The following USP34 variants were observed in gnomAD, a reference collection of about 807,000 sequenced individuals.
The protein encoded by USP34 is ubiquitin carboxyl-terminal hydrolase 34.
In USP34, 70 loss-of-function variants were observed where a neutral mutation model predicts 460.3. The ratio of observed to expected loss-of-function variants is 0.15; its 90% CI spans 0.13 to 0.19. The LOEUF is 0.19. Among genes scored for constraint, USP34 ranks in the 10% least tolerant of loss-of-function variants. The pLI is 1.00. For synonymous variants in USP34, 1,647 were observed against 1,405.3 expected, an observed-to-expected ratio of 1.17 and a Z score of -3.85; for missense variants, 3,985 against 4,236.2, an observed-to-expected ratio of 0.94 and a Z score of 1.65.
At chr2:61,301,313 A>T (rs566141253) in intron 28 of USP34, 41 bp downstream of exon 28, 13 of 1,596,302 alleles carry the variant, frequency 8.1e-6, no homozygotes, top group Non-Finnish European at 1.1e-5. Context: ...TGATGATTAT[A>T]AACAGATCAT....
At chr2:61,270,070 G>A (rs1314423838) in intron 41 of USP34, among the ~76,000 whole-genome samples, 2 of 152,100 alleles carry the variant, frequency 1.3e-5, no homozygotes, top group Non-Finnish European at 2.9e-5. Flanking sequence ...TCCCTTCCCA[G>A]CCTAAAATTA....
intron 67 of USP34, among the ~76,000 whole-genome samples, chr2:61,216,023 A>G (rs1376544304): frequency 1.3e-5 from 2 of 152,180 alleles, no homozygotes; most frequent in African/African-American, 2.4e-5. Flanking sequence ...GTCTCCCCCT[A>G]TTCTAACTAT....
intron 27 of USP34, among the ~76,000 whole-genome samples, chr2:61,302,427 T>A (rs1212684391): frequency 6.6e-6 from 1 of 152,234 alleles, no homozygotes; most frequent in Non-Finnish European, 1.5e-5. Context: ...CAATTTGCCT[T>A]AAGCACAATT....
At chr2:61,417,031 T>C (rs1230307163) in intron 2 of USP34, 3 of 1,303,814 alleles carry the variant, frequency 2.3e-6, no homozygotes, top group Non-Finnish European at 3.3e-6. Flanking sequence ...CTTCCAGATG[T>C]GGATCTTCTG....
chr2:61,229,104 A>G (rs1348724532), intron 59 of USP34, 109 bp from the exon 60 acceptor site: 1 of 806,452 alleles, frequency 1.2e-6, no homozygotes, highest in Non-Finnish European at 1.8e-6. Flanking sequence ...GAGATAATGA[A>G]TATGAACCGC....
chr2:61,304,086 C>G (rs1278693827), intron 27 of USP34, among the ~76,000 whole-genome samples: 1 of 151,930 alleles, frequency 6.6e-6, no homozygotes, highest in Non-Finnish European at 1.5e-5. Flanking sequence ...TTAGTAGAGA[C>G]AGGGTTTCGT....
chr2:61,242,008 T>C (rs1157383335), intron 51 of USP34, among the ~76,000 whole-genome samples, 189 bp from the exon 52 acceptor site: 1 of 152,064 alleles, frequency 6.6e-6, no homozygotes, highest in Non-Finnish European at 1.5e-5. Flanking sequence ...AATATCTTTT[T>C]TTTAGTTTTT....
chr2:61,192,056 A>C (rs775979146), intron 76 of USP34, among the ~76,000 whole-genome samples: 1 of 152,204 alleles, frequency 6.6e-6, no homozygotes, highest in Non-Finnish European at 1.5e-5. Flanking sequence ...CCACCAGTAG[A>C]GTACAGGATG....
intron 27 of USP34, 103 bp downstream of exon 27, chr2:61,311,437 A>G: frequency 1.6e-6 from 2 of 1,276,692 alleles, no homozygotes; most frequent in Non-Finnish European, 2.1e-6. Flanking sequence ...AAGAAAGAAA[A>G]GAAAAGGAGA....
chr2:61,321,564 C>G (rs988805989), intron 21 of USP34, among the ~76,000 whole-genome samples: 1 of 152,134 alleles, frequency 6.6e-6, no homozygotes, highest in South Asian at 2.1e-4. Flanking sequence ...CATTTTGGCC[C>G]TAAATGAATG....
At chr2:61,353,971 T>C (rs1292242194) in intron 10 of USP34, among the ~76,000 whole-genome samples, 1 of 152,106 alleles carries the variant, frequency 6.6e-6, no homozygotes, top group Non-Finnish European at 1.5e-5. Context: ...CAACTGAAAT[T>C]ATCAAGTCTG....
intron 57 of USP34, among the ~76,000 whole-genome samples, chr2:61,235,592 G>A (rs1297144219): frequency 1.3e-5 from 2 of 151,980 alleles, no homozygotes; most frequent in Admixed American, 6.6e-5. Flanking sequence ...CTAAGGTGCT[G>A]GGGTTACAGG....
intron 40 of USP34, 35 bp from the exon 41 acceptor site, chr2:61,278,320 T>G (rs751084660): frequency 1.9e-6 from 3 of 1,610,346 alleles, no homozygotes; most frequent in Admixed American, 1.7e-5. Flanking sequence ...ACAAGCAAGA[T>G]AGTTCACATA....
chr2:61,313,863 T>C (rs1020487582), intron 25 of USP34, among the ~76,000 whole-genome samples: 2 of 152,128 alleles, frequency 1.3e-5, no homozygotes, highest in Non-Finnish European at 2.9e-5. Flanking sequence ...ATATCACTTG[T>C]ATCACTTCAA....
At position 61,347,887 on chromosome 2, in the gene USP34, ATGGTGG is replaced by A. The variant is rs754455063; in HGVS notation, c.2262_2267del (p.His759_His760del). ...AGGCTTACCCATCGTGGTGGTGGTG[ATGGTGG>A]TGGTGGTGGTGGTGATGCTGTGGAC... On this transcript the variant is annotated inframe_deletion, in exon 15 of 80. Transcript: ENST00000398571. The A allele has an allele frequency of 1.8e-5, 29 of 1,612,012 alleles. No individual in the cohort carries two copies. Among genetic ancestry groups the A allele is most frequent in the East Asian group, 1.6e-4 (7 of 44,842 alleles).
chr2:61,351,467 A>G (rs76275149), intron 10 of USP34, among the ~76,000 whole-genome samples: 3,079 of 113,060 alleles, frequency 0.027, 58 homozygotes, highest in Non-Finnish European at 0.045. Flanking sequence ...CATGTAAAAT[A>G]AAAGTATTTT....
At chr2:61,201,824 A>T (rs1222538728) in intron 75 of USP34, among the ~76,000 whole-genome samples, 3 of 152,178 alleles carry the variant, frequency 2.0e-5, no homozygotes, top group Non-Finnish European at 4.4e-5. Flanking sequence ...ATTACCAAAA[A>T]TTTTTTAAAA....
intron 8 of USP34, 30 bp downstream of exon 8, chr2:61,378,333 A>T (rs184844953): frequency 6.9e-7 from 1 of 1,446,064 alleles, no homozygotes; most frequent in African/African-American, 1.4e-5. Flanking sequence ...AAAATGGTAT[A>T]CTTATATATA....
chr2:61,457,378 G>A (rs1695470720), intron 1 of USP34, among the ~76,000 whole-genome samples: 1 of 152,182 alleles, frequency 6.6e-6, no homozygotes, highest in Admixed American at 6.6e-5. Flanking sequence ...TCCTGATTAT[G>A]TTATAAACCC....
Sources: gnomAD v4.1 joint callset for allele counts (sites outside exome capture counted in the v4.1 genomes callset) on GRCh38, gnomAD v4.1.1 for gene constraint, MANE v1.5 for transcripts, NCBI Gene and HGNC (gene_info 2026-07-23, HGNC 2026-07-21) for gene names.